CDS1: variants seen among roughly 807,000 people sequenced by gnomAD.
The protein encoded by CDS1 is phosphatidate cytidylyltransferase 1.
Under a neutral mutation model 62.1 loss-of-function variants are expected in CDS1, and 41 were observed. The observed-to-expected ratio is 0.66, with a 90% confidence interval of 0.51 to 0.86. CDS1 has a LOEUF of 0.86. Among genes scored for constraint, CDS1 ranks in the 40% least tolerant of loss-of-function variants. CDS1 has a pLI of 0.00. For missense variants in CDS1, 470 were observed against 550.1 expected (o/e 0.85, Z 1.46); for synonymous variants, 185 against 192.6 (o/e 0.96, Z 0.32).
chr4:84,619,375 A>T lies in CDS1; in HGVS notation c.441-19A>T. ...GGAAAGCTTCAAATATAGAAAAGCTAATTGTTTTTAAATTATAGGTACTTT... is the reference window on the plus strand; with the variant it reads ...GGAAAGCTTCAAATATAGAAAAGCTTATTGTTTTTAAATTATAGGTACTTT... On this transcript the variant is annotated intron_variant, in intron 4 of 12. Coordinates refer to ENST00000295887, the MANE Select transcript of CDS1 (RefSeq NM_001263.4). 7.4e-7 allele frequency: 1 copy of T among 1,349,604 alleles called. No homozygotes were observed. Among genetic ancestry groups the T allele is most frequent in the Non-Finnish European group, 1.0e-6 (1 of 990,812 alleles). The allele number at this position is 1,349,604 out of a possible 1,614,324, so 83.6% of individuals were successfully genotyped here.
chr4:84,646,518 T>C lies in CDS1; in HGVS notation c.1256+1193T>C, dbSNP rs1231322010. Among the ~76,000 whole-genome samples, 8 of 152,218 alleles carry C rather than the reference T, an allele frequency of 5.3e-5. 1 individual carries two copies. Among genetic ancestry groups the C allele is most frequent in the Admixed American group, 5.2e-4 (8 of 15,280 alleles). On this transcript the variant is annotated intron_variant, in intron 12 of 12. Coordinates refer to ENST00000295887, the MANE Select transcript of CDS1 (RefSeq NM_001263.4). ...ATTTGTATTTTCATTATTTACATGT[T>C]TTCTGATTTCCAGTATTATATCTTC...
At chr4:84,615,578 C>T (rs115751993) in intron 3 of CDS1, among the ~76,000 whole-genome samples, 2,117 of 152,148 alleles carry the variant, frequency 0.014, 18 homozygotes, top group Non-Finnish European at 0.023. Flanking sequence ...TCTGCCGTTG[C>T]CCACCCCCTC....
chr4:84,609,631 C>CA, intron 3 of CDS1, 106 bp downstream of exon 3: 1 of 692,248 alleles, frequency 1.4e-6, no homozygotes, highest in Non-Finnish European at 2.6e-6. Flanking sequence ...ATTCAACACT[C>CA]AGTCACAGAA....
At chr4:84,622,133 T>G (rs142885142) in intron 5 of CDS1, among the ~76,000 whole-genome samples, 76 of 152,316 alleles carry the variant, frequency 5.0e-4, no homozygotes, top group African/African-American at 1.7e-3. Context: ...CTTTTTTTAT[T>G]ATGGGAGAGA....
intron 4 of CDS1, among the ~76,000 whole-genome samples, chr4:84,619,091 C>T (rs879641950): frequency 6.7e-5 from 9 of 134,700 alleles, no homozygotes; most frequent in Non-Finnish European, 1.5e-4. Flanking sequence ...ACACACTGCT[C>T]CCGCCTCCCA....
chr4:84,584,911 A>G, intron 1 of CDS1, among the ~76,000 whole-genome samples: 1 of 152,178 alleles, frequency 6.6e-6, no homozygotes, highest in East Asian at 1.9e-4. Context: ...TGCCTTGGAA[A>G]CTAGACCCAA....
intron 5 of CDS1, 94 bp from the exon 6 acceptor site, chr4:84,631,725 C>T (rs571604070): frequency 2.2e-6 from 2 of 926,616 alleles, no homozygotes; most frequent in African/African-American, 1.6e-5. Context: ...ATATGCCTAG[C>T]TGTGATACAG....
At chr4:84,644,198 A>C (rs954176924) in intron 11 of CDS1, among the ~76,000 whole-genome samples, 8 of 152,152 alleles carry the variant, frequency 5.3e-5, no homozygotes, top group Non-Finnish European at 1.0e-4. Context: ...GCAGTATACA[A>C]AAATATACAA....
chr4:84,604,092 A>G, intron 1 of CDS1, 151 bp from the exon 2 acceptor site: 1 of 601,960 alleles, frequency 1.7e-6, no homozygotes, highest in Non-Finnish European at 2.9e-6. Flanking sequence ...AAAGAAGTAT[A>G]GCAGTGCTAA....
intron 2 of CDS1, among the ~76,000 whole-genome samples, chr4:84,606,473 A>T (rs191114579): frequency 6.6e-6 from 1 of 152,276 alleles, no homozygotes; most frequent in Admixed American, 6.5e-5. Flanking sequence ...AACATTTTTA[A>T]TGTCTGTATA....
At chr4:84,595,915 A>G (rs1722733447) in intron 1 of CDS1, among the ~76,000 whole-genome samples, 1 of 152,258 alleles carries the variant, frequency 6.6e-6, no homozygotes. Flanking sequence ...AGAATGAGAT[A>G]TCACTGGAGA....
chr4:84,627,507 T>C (rs555894807), intron 5 of CDS1, among the ~76,000 whole-genome samples: 2 of 152,328 alleles, frequency 1.3e-5, no homozygotes, highest in Non-Finnish European at 2.9e-5. Context: ...CATGCAATTA[T>C]ATGGTTAGCA....
At chr4:84,645,948 G>A (rs1190204794) in intron 12 of CDS1, among the ~76,000 whole-genome samples, 1 of 152,146 alleles carries the variant, frequency 6.6e-6, no homozygotes. Context: ...TTTTAGAAAG[G>A]GTGGTTTATT....
At chr4:84,647,359 A>C (rs1724586879) in intron 12 of CDS1, among the ~76,000 whole-genome samples, 1 of 152,012 alleles carries the variant, frequency 6.6e-6, no homozygotes, top group Non-Finnish European at 1.5e-5. Context: ...ATTAACTCAT[A>C]TGCTTTCTTT....
intron 1 of CDS1, among the ~76,000 whole-genome samples, chr4:84,598,030 G>A (rs1722804963): frequency 6.6e-6 from 1 of 151,910 alleles, no homozygotes; most frequent in East Asian, 1.9e-4. Context: ...GGAGGCTGAG[G>A]GGAGAGAATG....
chr4:84,648,644 T>A lies in CDS1; in HGVS notation c.1344T>A (p.His448Gln). The A allele has an allele frequency of 6.2e-7, 1 of 1,613,814 alleles. No homozygotes were observed. The highest frequency in any genetic ancestry group is 1.7e-5 in the Admixed American group (1 of 60,022). ...ATATATATAAAACCCTGAAGACTCA[T>A]CTCATTGAGAAAGGAATCCTACAAC... ...QLNIYKTLKT[H>Q]LIEKGILQPT... The change falls in exon 13 of 13, where the codon CAT (histidine) becomes CAA (glutamine). Residue 448 changes from histidine to glutamine, a missense_variant. Physicochemically the swap from His to Gln is conservative, Grantham distance 24 (BLOSUM62 0). This residue lies in a region of CDS1 where 68 missense variants were observed against 81.5 expected (regional missense o/e 0.83). Transcript: ENST00000295887.
intron 3 of CDS1, among the ~76,000 whole-genome samples, chr4:84,614,579 C>A (rs2148645003): frequency 6.6e-6 from 1 of 151,920 alleles, no homozygotes; most frequent in East Asian, 1.9e-4. Flanking sequence ...TTGAATAACC[C>A]ATAGGTACTC....
At chr4:84,614,230 T>C (rs951886932) in intron 3 of CDS1, among the ~76,000 whole-genome samples, 1 of 152,132 alleles carries the variant, frequency 6.6e-6, no homozygotes, top group Non-Finnish European at 1.5e-5. Flanking sequence ...CCAGCCTGGA[T>C]AATATGGCAC....
At chr4:84,607,512 G>A (rs1232950585) in intron 2 of CDS1, among the ~76,000 whole-genome samples, 1 of 151,506 alleles carries the variant, frequency 6.6e-6, no homozygotes, top group Non-Finnish European at 1.5e-5. Flanking sequence ...TTGTAGAGCT[G>A]GGTTTTTACC....
Sources: allele counts gnomAD v4.1 joint callset (sites outside exome capture counted in the v4.1 genomes callset), GRCh38; gene constraint gnomAD v4.1.1; regional missense constraint gnomAD v4.1.1; transcripts MANE v1.5; gene names NCBI Gene and HGNC (gene_info 2026-07-23, HGNC 2026-07-21).